FAM110B: variants seen among roughly 807,000 people sequenced by gnomAD.
FAM110B encodes the protein protein FAM110B.
A neutral mutation model predicts 20.4 loss-of-function variants in FAM110B; 6 were observed. That is an observed-to-expected ratio of 0.29 (90% CI 0.16 to 0.58). The LOEUF is 0.58. Ranked by LOEUF, FAM110B falls within the 20% of genes least tolerant of loss-of-function variation. The pLI is 0.90. For missense variants in FAM110B, 434 were observed against 498.2 expected, an observed-to-expected ratio of 0.87 and a Z score of 1.23; for synonymous variants, 226 against 214.1, an observed-to-expected ratio of 1.06 and a Z score of -0.49.
At chr8:58,070,359 G>A (rs1350191570) in intron 2 of FAM110B, 1 of 152,226 alleles carries the variant, frequency 6.6e-6, no homozygotes, top group Non-Finnish European at 1.5e-5. Flanking sequence ...GGCTGCTGTG[G>A]GAGGTCAGTG....
At chr8:58,142,502 T>G (rs1803764011) in intron 3 of FAM110B, among the ~76,000 whole-genome samples, 1 of 152,116 alleles carries the variant, frequency 6.6e-6, no homozygotes, top group Non-Finnish European at 1.5e-5. Context: ...TGCCACCTGT[T>G]CTCCCTGCAC....
At chr8:58,004,072 C>T (rs540899901) in intron 1 of FAM110B, among the ~76,000 whole-genome samples, 1 of 152,284 alleles carries the variant, frequency 6.6e-6, no homozygotes, top group East Asian at 1.9e-4. Context: ...CATGATGATT[C>T]AAGCTCATTA....
At chr8:58,039,770 C>T (rs1805168375) in intron 2 of FAM110B, among the ~76,000 whole-genome samples, 1 of 152,092 alleles carries the variant, frequency 6.6e-6, no homozygotes. Flanking sequence ...CATACACACA[C>T]ATTAGAGACA....
intron 3 of FAM110B, among the ~76,000 whole-genome samples, chr8:58,140,680 C>T (rs1015751383): frequency 5.9e-5 from 9 of 152,302 alleles, no homozygotes; most frequent in South Asian, 2.1e-4. Flanking sequence ...TCTGCCTTTC[C>T]GCTACACCTA....
intron 2 of FAM110B, among the ~76,000 whole-genome samples, chr8:58,050,059 G>C (rs1446845808): frequency 6.6e-6 from 1 of 152,112 alleles, no homozygotes; most frequent in African/African-American, 2.4e-5. Context: ...GGAAGGGCTG[G>C]TTTCAATTTT....
chr8:58,114,617 T>C (rs1807151670), intron 3 of FAM110B, among the ~76,000 whole-genome samples: 1 of 152,158 alleles, frequency 6.6e-6, no homozygotes, highest in Non-Finnish European at 1.5e-5. Flanking sequence ...TTGGGGAGGA[T>C]TTAGATATCT....
intron 3 of FAM110B, among the ~76,000 whole-genome samples, chr8:58,103,398 C>T (rs1806833030): frequency 6.6e-6 from 1 of 150,432 alleles, no homozygotes; most frequent in South Asian, 2.1e-4. Flanking sequence ...GTTCAATTCC[C>T]ACCTATGAGT....
At chr8:58,001,422 T>C (rs73681724) in intron 1 of FAM110B, among the ~76,000 whole-genome samples, 3,020 of 152,216 alleles carry the variant, frequency 0.02, 103 homozygotes, top group African/African-American at 0.065. Flanking sequence ...AGTATACACA[T>C]AGCATTTCCT....
intron 1 of FAM110B, among the ~76,000 whole-genome samples, chr8:58,011,197 A>G (rs929788688): frequency 6.6e-5 from 10 of 152,204 alleles, no homozygotes; most frequent in African/African-American, 1.7e-4. Flanking sequence ...CCCTAAGGTT[A>G]AAGAAACAAC....
intron 1 of FAM110B, among the ~76,000 whole-genome samples, chr8:58,027,826 T>C (rs542731968): frequency 2.1e-4 from 32 of 152,352 alleles, no homozygotes; most frequent in African/African-American, 6.5e-4. Flanking sequence ...ATACCACAAA[T>C]TGTTGATCCA....
At chr8:58,061,860 G>A (rs1034457074) in intron 2 of FAM110B, among the ~76,000 whole-genome samples, 3 of 152,210 alleles carry the variant, frequency 2.0e-5, no homozygotes, top group Non-Finnish European at 4.4e-5. Context: ...TTCTAGTAAT[G>A]TTTGGAGGAA....
rs149156846 is a variant in FAM110B, at chr8:58,129,569, G to A, written c.-324-16338G>A. Among the ~76,000 whole-genome samples the A allele has an allele frequency of 2.0e-5, 3 of 152,344 alleles. No individual in the cohort carries two copies. In the East Asian group the frequency reaches 5.8e-4, roughly 29 times the overall value. On this transcript the variant is annotated intron_variant, in intron 3 of 3. Transcript: ENST00000519262. ...TTGGCCTGGAGGAAAGGAAGGCGCT[G>A]CTGGAGGCACTGTACACATTCTGTA... is the stretch of plus-strand genomic sequence containing the variant.
intron 3 of FAM110B, among the ~76,000 whole-genome samples, chr8:58,109,543 G>A (rs1440687909): frequency 6.6e-6 from 1 of 151,854 alleles, no homozygotes; most frequent in Admixed American, 6.6e-5. Flanking sequence ...TTTTCTTTTG[G>A]TTACTGGCTA....
At chr8:58,025,556 C>T (rs750076707) in intron 1 of FAM110B, among the ~76,000 whole-genome samples, 1 of 152,062 alleles carries the variant, frequency 6.6e-6, no homozygotes, top group Non-Finnish European at 1.5e-5. Flanking sequence ...AAATTACAGG[C>T]ATGAGGGCAG....
intron 1 of FAM110B, among the ~76,000 whole-genome samples, chr8:58,018,788 A>G (rs991351947): frequency 1.3e-5 from 2 of 151,096 alleles, no homozygotes; most frequent in African/African-American, 4.9e-5. Context: ...TTTACTTTTT[A>G]CTGGTTGCTC....
intron 1 of FAM110B, among the ~76,000 whole-genome samples, chr8:58,018,670 T>C (rs184162111): frequency 2.4e-4 from 37 of 152,294 alleles, no homozygotes; most frequent in African/African-American, 7.5e-4. Context: ...ATTTTTTGTA[T>C]TCTATTTGTT....
intron 2 of FAM110B, among the ~76,000 whole-genome samples, chr8:58,047,629 T>TCTCTCTCTCTCTCTCA (rs1805355210): frequency 6.8e-6 from 1 of 147,392 alleles, no homozygotes; most frequent in Non-Finnish European, 1.5e-5. Context: ...TCTCTCTCTC[T>TCTCTCTCTCTCTCTCA]CTCTCTGACT....
chr8:58,133,582 T>G (rs1264596962), intron 3 of FAM110B, among the ~76,000 whole-genome samples: 2 of 152,198 alleles, frequency 1.3e-5, no homozygotes, highest in Non-Finnish European at 2.9e-5. Context: ...TTAACTCTTT[T>G]TTCAGCTTGG....
chr8:58,125,203 C>T (rs903010259), intron 3 of FAM110B, among the ~76,000 whole-genome samples: 5 of 152,108 alleles, frequency 3.3e-5, no homozygotes, highest in Non-Finnish European at 5.9e-5. Flanking sequence ...TAAAAATTAG[C>T]TGGGCGTGGT....
Sources: gnomAD v4.1 joint callset for allele counts (sites outside exome capture counted in the v4.1 genomes callset) on GRCh38, gnomAD v4.1.1 for gene constraint, MANE v1.5 for transcripts, NCBI Gene and HGNC (gene_info 2026-07-23, HGNC 2026-07-21) for gene names.